The following CCL28 variants were observed in gnomAD, a reference collection of about 807,000 sequenced individuals.
CCL28 encodes the protein C-C motif chemokine 28.
CCL28 carries 4 observed loss-of-function variants against 7.1 expected under a neutral mutation model. That is an observed-to-expected ratio of 0.56 (90% confidence interval 0.28 to 1.29). The LOEUF (loss-of-function observed/expected upper bound fraction) is 1.29. CCL28 is among the 50% of genes most tolerant of loss of function. The pLI, the probability that CCL28 is intolerant of heterozygous loss-of-function variation, is 0.11. For missense variants in CCL28, 151 were observed against 163.4 expected, an observed-to-expected ratio of 0.92 and a Z score of 0.41; for synonymous variants, 55 against 57.8, an observed-to-expected ratio of 0.95 and a Z score of 0.22.
chr5:43,387,957 T>A (rs1740409211), intron 2 of CCL28: 1 of 158,598 alleles, frequency 6.3e-6, no homozygotes, highest in Non-Finnish European at 1.4e-5. Context: ...ATGCTCCTGA[T>A]GAATTCATAA....
At chr5:43,363,365 C>T in the CCL28 span, among the ~76,000 whole-genome samples, 138 of 151,992 alleles carry the variant, frequency 9.1e-4, no homozygotes, top group African/African-American at 2.9e-3. Context: ...TCTGCCCTCA[C>T]GGGGCTTTTC....
intron 1 of CCL28, among the ~76,000 whole-genome samples, chr5:43,406,191 C>CA (rs1561168375): frequency 6.6e-6 from 1 of 151,826 alleles, no homozygotes; most frequent in Non-Finnish European, 1.5e-5. Flanking sequence ...AGAGACACAA[C>CA]AAAAAAAGAG....
In CCL28 at chr5:43,382,019, G is replaced by T. The variant is rs1376002532; in HGVS notation, c.225C>A (p.Ser75Arg). The T allele has an allele frequency of 6.2e-7, 1 of 1,613,450 alleles. No homozygotes were observed. The highest frequency in any genetic ancestry group is 8.5e-7 in the Non-Finnish European group (1 of 1,179,722). ...ACTGCTTAACAGTATGGTTGTGCGG[G>T]CTGACACAGATTCTTCTGCGCTTGA... is the stretch of plus-strand genomic sequence containing the variant. The part of the protein sequence containing the change: ...LHVKRRRICV[S>R]PHNHTVKQWM... The change falls in exon 3 of 3, where the codon AGC becomes AGA. Residue 75 changes from serine to arginine, a missense_variant. Transcript: ENST00000361115.
the CCL28 span, among the ~76,000 whole-genome samples, chr5:43,371,418 T>TAC: frequency 1.3e-5 from 2 of 152,238 alleles, no homozygotes; most frequent in Admixed American, 6.5e-5. Flanking sequence ...TTGGTCTGTA[T>TAC]AACCTACAGA....
intron 1 of CCL28, among the ~76,000 whole-genome samples, chr5:43,408,721 C>G (rs1405252511): frequency 6.6e-6 from 1 of 151,952 alleles, no homozygotes; most frequent in Non-Finnish European, 1.5e-5. Context: ...GCAGAACCCT[C>G]TGGAGAGGGG....
At chr5:43,382,777 G>T (rs1740173801) in intron 2 of CCL28, among the ~76,000 whole-genome samples, 1 of 151,954 alleles carries the variant, frequency 6.6e-6, no homozygotes, top group African/African-American at 2.4e-5. Flanking sequence ...ATAGATCTAT[G>T]CCACAGTTCA....
chr5:43,389,363 C>T (rs2111763945), intron 1 of CCL28, among the ~76,000 whole-genome samples: 1 of 152,278 alleles, frequency 6.6e-6, no homozygotes, highest in Non-Finnish European at 1.5e-5. Context: ...TTTAGCTATG[C>T]TGTGCTGCCT....
chr5:43,409,976 G>A (rs1741468192), intron 1 of CCL28, among the ~76,000 whole-genome samples: 1 of 152,190 alleles, frequency 6.6e-6, no homozygotes, highest in South Asian at 2.1e-4. Context: ...CCTGCTTCCT[G>A]ATTTATGCAA....
the CCL28 span, among the ~76,000 whole-genome samples, chr5:43,368,175 T>C: frequency 1.3e-5 from 2 of 152,202 alleles, no homozygotes; most frequent in Non-Finnish European, 2.9e-5. Flanking sequence ...CTCAGGGTTA[T>C]TGTGAGGACT....
At chr5:43,399,203 C>A (rs1032824922) in intron 1 of CCL28, among the ~76,000 whole-genome samples, 1 of 152,210 alleles carries the variant, frequency 6.6e-6, no homozygotes, top group Non-Finnish European at 1.5e-5. Context: ...GTAATTCCAT[C>A]TTCTGCACTC....
At chr5:43,388,620 G>A in intron 1 of CCL28, 144 bp from the exon 2 acceptor site, 2 of 722,820 alleles carry the variant, frequency 2.8e-6, no homozygotes, top group Non-Finnish European at 4.4e-6. Context: ...ACTTGGGGCA[G>A]GACATGTTCC....
chr5:43,386,571 G>T (rs1740344161), intron 2 of CCL28, among the ~76,000 whole-genome samples: 1 of 152,154 alleles, frequency 6.6e-6, no homozygotes, highest in African/African-American at 2.4e-5. Context: ...ATCTGACCCT[G>T]AGTGTGACCT....
the CCL28 span, among the ~76,000 whole-genome samples, chr5:43,368,920 A>T: frequency 1.4e-5 from 2 of 143,562 alleles, no homozygotes; most frequent in African/African-American, 2.5e-5. Flanking sequence ...TAAGCCACCT[A>T]GTTTGTGGTA....
intron 1 of CCL28, among the ~76,000 whole-genome samples, chr5:43,398,720 A>C (rs953969927): frequency 1.3e-5 from 2 of 152,176 alleles, no homozygotes; most frequent in East Asian, 3.9e-4. Flanking sequence ...GCATGGTGGC[A>C]GACGCCAGTA....
At chr5:43,385,784 C>A (rs958483480) in intron 2 of CCL28, among the ~76,000 whole-genome samples, 3 of 152,176 alleles carry the variant, frequency 2.0e-5, no homozygotes, top group Non-Finnish European at 2.9e-5. Context: ...AACTGATTGG[C>A]TTCCTAGTTC....
chr5:43,363,003 T>G, the CCL28 span, among the ~76,000 whole-genome samples: 1 of 152,220 alleles, frequency 6.6e-6, no homozygotes, highest in East Asian at 1.9e-4. Flanking sequence ...TTACTTGGGG[T>G]GCACATACAC....
rs778415956 is a variant in CCL28, at chr5:43,381,978, G to A, written c.266C>T (p.Ala89Val). The A allele has an allele frequency of 4.3e-6, 7 of 1,614,158 alleles. No homozygotes were observed. In the East Asian group the frequency reaches 1.1e-4, roughly 26 times the overall value. Residue 89 changes from alanine to valine, a missense_variant, in exon 3 of 3, where the codon GCT becomes GTT. Transcript: ENST00000361115. ...HTVKQWMKVQ[A>V]AKKNGKGNVC... ...ATTTCCTTTACCATTTTTCTTGGCA[G>A]CTTGCACTTTCATCCACTGCTTAAC...
intron 1 of CCL28, among the ~76,000 whole-genome samples, chr5:43,403,844 C>T (rs1022069272): frequency 1.3e-5 from 2 of 152,072 alleles, no homozygotes; most frequent in African/African-American, 4.8e-5. Context: ...AACCACAGCA[C>T]GAGAACTACG....
intron 1 of CCL28, among the ~76,000 whole-genome samples, chr5:43,400,401 G>T (rs1740981145): frequency 6.6e-6 from 1 of 152,090 alleles, no homozygotes; most frequent in African/African-American, 2.4e-5. Context: ...GCTCAGGCAG[G>T]TCTCGAACTC....
Sources: gnomAD v4.1 joint callset for allele counts (sites outside exome capture counted in the v4.1 genomes callset) on GRCh38, gnomAD v4.1.1 for gene constraint, MANE v1.5 for transcripts, NCBI Gene and HGNC (gene_info 2026-07-23, HGNC 2026-07-21) for gene names.